Variants in ABCA8 observed in about 807,000 individuals in gnomAD.
ABCA8 encodes the protein ABC-type organic anion transporter ABCA8.
A neutral mutation model predicts 192.3 loss-of-function variants in ABCA8; 177 were observed. The observed-to-expected ratio is 0.92, with a 90% CI of 0.81 to 1.04. The LOEUF (loss-of-function observed/expected upper bound fraction) is 1.04. Among genes scored for constraint, ABCA8 ranks in the 50% least tolerant of loss-of-function variants. The pLI, the probability that ABCA8 is intolerant of heterozygous loss-of-function variation, is 0.00. For missense variants in ABCA8, 1,915 were observed against 1,904.8 expected (o/e 1.01, Z -0.10); for synonymous variants, 642 against 690.2 (o/e 0.93, Z 1.09).
Position 68,877,526 on chromosome 17 carries a change from T to C in ABCA8, c.4192A>G (p.Ile1398Val). Residue 1398 changes from isoleucine (I) to valine (V), a missense_variant, in exon 33 of 40, where the codon ATC becomes GTC. Coordinates refer to ENST00000586539, the MANE Select transcript of ABCA8 (RefSeq NM_001288985.2). ...GLRKGDAEVA[I>V]TRLVDALKLQ... Reference sequence around the variant, plus strand: ...TGTGGCTCCTCTGTGTACCGTGTGATGGCAACCTCAGCATCCCCTTTCCTC... The same window carrying C: ...TGTGGCTCCTCTGTGTACCGTGTGACGGCAACCTCAGCATCCCCTTTCCTC... 1 of 1,613,338 alleles carries C rather than the reference T, an allele frequency of 6.2e-7. No homozygotes were observed. The highest frequency in any genetic ancestry group is 1.1e-5 in the South Asian group (1 of 90,972).
chr17:68,880,752 C>CT, intron 32 of ABCA8: 1 of 278,646 alleles, frequency 3.6e-6, no homozygotes, highest in Non-Finnish European at 6.9e-6. Flanking sequence ...CTCACACACC[C>CT]ATCACCGCTA....
In ABCA8 at chr17:68,932,428, T is replaced by C. The variant is rs1390335186; in HGVS notation, c.657A>G (p.Gly219=). 1.2e-6 allele frequency: 2 copies of C among 1,613,376 alleles called. No individual in the cohort carries two copies. Among genetic ancestry groups the C allele is most frequent in the Non-Finnish European group, 1.7e-6 (2 of 1,179,500 alleles). ...AAAAAAGGTACAAATCAGTTATAAC[T>C]CCTGATTGACCAATGAAGGAATGCA... ...MKMHSFIGQS[G]VITDLYLFSC... is the part of the protein sequence containing the mutation. The change falls in exon 7 of 40, where the codon GGA becomes GGG. Residue 219 remains glycine (G), a synonymous_variant. Transcript: ENST00000586539.
At chr17:68,943,110 T>C (rs553248861) in intron 2 of ABCA8, among the ~76,000 whole-genome samples, 300 of 152,270 alleles carry the variant, frequency 2.0e-3, no homozygotes, top group Middle Eastern at 3.4e-3. Flanking sequence ...GAAAATTTTC[T>C]TTCCCTAGTG....
intron 22 of ABCA8, chr17:68,894,665 T>G: frequency 3.6e-6 from 2 of 551,262 alleles, no homozygotes; most frequent in Non-Finnish European, 6.2e-6. Flanking sequence ...ATAGTCTTGA[T>G]AGTAGGTATT....
At chr17:68,870,489 A>G (rs751734625) in intron 37 of ABCA8, among the ~76,000 whole-genome samples, 3 of 152,136 alleles carry the variant, frequency 2.0e-5, no homozygotes, top group Non-Finnish European at 1.5e-5. Flanking sequence ...CTTAACTAAA[A>G]TTTTACATCT....
In ABCA8 at chr17:68,903,015, T is replaced by G; in HGVS notation, c.2598-136A>C. ...TAACTGTCACATTTCTTGAGTATTT[T>G]GTCCTTTTACTAACTCCAAATTCAA... is the stretch of plus-strand genomic sequence containing the variant. On this transcript the variant is annotated intron_variant, in intron 20 of 39. Coordinates refer to ENST00000586539, the MANE Select transcript of ABCA8 (RefSeq NM_001288985.2). The G allele has an allele frequency of 5.8e-6, 5 of 860,072 alleles. No homozygotes were observed. In the South Asian group the frequency reaches 9.5e-5, roughly 16 times the overall value. The allele number at this position is 860,072 out of a possible 1,614,324, so 53.3% of individuals were successfully genotyped here.
chr17:68,951,163 G>T (rs1046335418), intron 1 of ABCA8, among the ~76,000 whole-genome samples: 2 of 152,158 alleles, frequency 1.3e-5, no homozygotes, highest in African/African-American at 4.8e-5. Context: ...GCTTATTGCT[G>T]TGTGTTGTTA....
chr17:68,881,926 C>T lies in ABCA8; in HGVS notation c.3883G>A (p.Gly1295Ser), dbSNP rs148843765. ...LRKEYAGKRK[G>S]CFSKRKNKIA... ...TTATTCTTCCTCTTGGAAAAACAGC[C>T]TTTCCTCTTCCCTGCATACTCCTTG... Residue 1295 changes from glycine to serine, a missense_variant, in exon 31 of 40, where the codon GGC becomes AGC. Transcript: ENST00000586539. 11 of 1,614,152 alleles carry T rather than the reference C, an allele frequency of 6.8e-6. No individual in the cohort carries two copies. Among genetic ancestry groups the T allele is most frequent in the Non-Finnish European group, 9.3e-6 (11 of 1,179,974 alleles).
Position 68,918,083 on chromosome 17 carries a change from T to G in ABCA8, c.2011A>C (p.Ser671Arg). 1 of 1,614,210 alleles carries G rather than the reference T, an allele frequency of 6.2e-7. No individual in the cohort carries two copies. The highest frequency in any genetic ancestry group is 1.1e-5 in the South Asian group (1 of 91,086). ...ERKTDRVILF[S>R]TQFMDEADIL... is the part of the protein sequence containing the mutation. ...TCGGCCTCATCCATGAACTGGGTAC[T>G]GAAGAGGATCACGCGGTCTGTTTTG... is the stretch of plus-strand genomic sequence containing the variant. The change falls in exon 16 of 40, where the codon AGT becomes CGT. Residue 671 changes from serine (S) to arginine (R), a missense_variant. Physicochemically the swap from Ser to Arg is moderately radical, Grantham distance 110. Coordinates refer to ENST00000586539, the MANE Select transcript of ABCA8 (RefSeq NM_001288985.2).
At chr17:68,902,480 T>C (rs1270733242) in intron 21 of ABCA8, among the ~76,000 whole-genome samples, 1 of 152,196 alleles carries the variant, frequency 6.6e-6, no homozygotes, top group Non-Finnish European at 1.5e-5. Flanking sequence ...AAAAATGCTA[T>C]TTTGGTACAA....
chr17:68,880,292 T>C (rs1426579200), intron 32 of ABCA8: 1 of 152,116 alleles, frequency 6.6e-6, no homozygotes, highest in South Asian at 2.1e-4. Flanking sequence ...TGCCTACAAA[T>C]AGGAGACCCA....
At chr17:68,928,912 T>A in intron 9 of ABCA8, 137 bp downstream of exon 9, 3 of 689,950 alleles carry the variant, frequency 4.3e-6, no homozygotes, top group Non-Finnish European at 6.2e-6. Context: ...AAAAGTTCTG[T>A]CTTTGCAACT....
rs2067229742 is a variant in ABCA8, at chr17:68,911,691, A to C, written c.2139-3812T>G. ...GCATAATCCTAGTGGTGGTGGCCAC[A>C]GGGGTGCTTGTGTCACCCCTCTGCC... On this transcript the variant is annotated intron_variant, in intron 17 of 39. Coordinates refer to ENST00000586539, the MANE Select transcript of ABCA8 (RefSeq NM_001288985.2). This position sits in a 1 kb window ranked among gnomAD's most constrained non-coding sequence, Gnocchi z 5.7. Among the ~76,000 whole-genome samples the C allele has an allele frequency of 6.6e-6, 1 of 151,496 alleles. No individual in the cohort carries two copies. Among genetic ancestry groups the C allele is most frequent in the Non-Finnish European group, 1.5e-5 (1 of 67,868 alleles).
At chr17:68,939,111 C>T (rs746555212) in intron 4 of ABCA8, among the ~76,000 whole-genome samples, 9 of 152,024 alleles carry the variant, frequency 5.9e-5, no homozygotes, top group Non-Finnish European at 1.2e-4. Flanking sequence ...CTCCTGTTAC[C>T]ATTACCATGA....
At chr17:68,899,558 A>C (rs1430848149) in intron 21 of ABCA8, among the ~76,000 whole-genome samples, 1 of 152,212 alleles carries the variant, frequency 6.6e-6, no homozygotes, top group African/African-American at 2.4e-5. Context: ...AAGTTATAAC[A>C]TTTATAAACG....
chr17:68,949,818 C>A (rs139611869), intron 1 of ABCA8, among the ~76,000 whole-genome samples: 1 of 152,272 alleles, frequency 6.6e-6, no homozygotes, highest in African/African-American at 2.4e-5. Flanking sequence ...CTCTTTACTG[C>A]AGAGCCATAG....
At chr17:68,882,534 T>C in intron 30 of ABCA8, 65 bp downstream of exon 30, 9 of 1,446,422 alleles carry the variant, frequency 6.2e-6, no homozygotes, top group Non-Finnish European at 8.4e-6. Flanking sequence ...ACAGAGAAAC[T>C]CAAAATCATT....
At chr17:68,869,832 CTG>C in intron 37 of ABCA8, 53 bp from the exon 38 acceptor site, 6 of 1,192,824 alleles carry the variant, frequency 5.0e-6, no homozygotes, top group South Asian at 1.3e-5. Flanking sequence ...CAGATGTGAA[CTG>C]ATGGCAATCA....
At chr17:68,924,999 A>G in intron 10 of ABCA8, 130 bp from the exon 11 acceptor site, 1 of 803,980 alleles carries the variant, frequency 1.2e-6, no homozygotes, top group Non-Finnish European at 1.9e-6. Context: ...CAGGTAATGC[A>G]CGTTTTGACA....
Sources: gnomAD v4.1 joint callset for allele counts (sites outside exome capture counted in the v4.1 genomes callset) on GRCh38, gnomAD v4.1.1 for gene constraint, Gnocchi (gnomAD v3.1) non-coding constraint, MANE v1.5 for transcripts, NCBI Gene and HGNC (gene_info 2026-07-23, HGNC 2026-07-21) for gene names.